Variants in HERC2 observed in about 807,000 individuals in gnomAD.
The protein encoded by HERC2 is HECT and RLD domain containing E3 ubiquitin protein ligase 2.
In HERC2, 102 loss-of-function variants were observed where a neutral mutation model predicts 537.7. The ratio of observed to expected loss-of-function variants is 0.19; its 90% CI spans 0.16 to 0.22. HERC2 has a LOEUF of 0.22. Ranked by LOEUF, HERC2 falls within the 10% of genes least tolerant of loss-of-function variation. The pLI is 1.00. For synonymous variants in HERC2, 2,224 were observed against 2,466.2 expected (o/e 0.90, Z 2.91); for missense variants, 4,236 against 6,198.2 (o/e 0.68, Z 10.63).
intron 12 of HERC2, among the ~76,000 whole-genome samples, chr15:28,266,855 C>T (rs750783080): frequency 6.6e-6 from 1 of 152,074 alleles, no homozygotes; most frequent in Non-Finnish European, 1.5e-5. Flanking sequence ...CAACTGCGTG[C>T]ACTTGTCAAA....
At chr15:28,318,161 A>C (rs2077139072) in intron 2 of HERC2, among the ~76,000 whole-genome samples, 1 of 152,188 alleles carries the variant, frequency 6.6e-6, no homozygotes, top group Non-Finnish European at 1.5e-5. Flanking sequence ...TCCTTTGCTT[A>C]ACTGACGTTT....
At chr15:28,295,559 C>T in intron 3 of HERC2, among the ~76,000 whole-genome samples, 1 of 152,064 alleles carries the variant, frequency 6.6e-6, no homozygotes, top group East Asian at 1.9e-4. Context: ...TCACCATGCC[C>T]AGCTAATTTT....
At chr15:28,140,799 G>A (rs1403598197) in intron 78 of HERC2, among the ~76,000 whole-genome samples, 45 of 151,690 alleles carry the variant, frequency 3.0e-4, no homozygotes, top group Non-Finnish European at 5.6e-4. Flanking sequence ...TGGGATTACA[G>A]GCATGAGCCA....
chr15:28,317,834 G>A (rs1332822683), intron 2 of HERC2, among the ~76,000 whole-genome samples: 3 of 152,168 alleles, frequency 2.0e-5, no homozygotes, highest in Non-Finnish European at 4.4e-5. Context: ...GTAACCACTG[G>A]GGCAGTATGC....
rs753866195 is a variant in HERC2, at chr15:28,168,409, C to T, written c.10411G>A (p.Glu3471Lys). Residue 3471 changes from glutamate to lysine, a missense_variant and splice_region_variant, in exon 67 of 93, where the codon GAG becomes AAG. Glu to Lys is a moderately conservative substitution (Grantham distance 56). Around this residue, in one of 27 missense-constraint regions of HERC2, gnomAD observed 356 missense variants for 450.9 expected, o/e 0.79. Coordinates refer to ENST00000261609, the MANE Select transcript of HERC2 (RefSeq NM_004667.6). ...CATTGCTTTAGATTCGCTTTTACCT[C>T]TCTCTTTTCTTGCCATGGATTTGGA... ...LSPNPWQEKR[E>K]IVSSEDAVTP... 6.2e-7 allele frequency: 1 copy of T among 1,613,452 alleles called. No individual in the cohort carries two copies. The highest frequency in any genetic ancestry group is 8.5e-7 in the Non-Finnish European group (1 of 1,179,738).
At position 28,278,715 on chromosome 15, in the gene HERC2, T is replaced by C. The variant is rs905000669; in HGVS notation, c.542+1353A>G. ...CTCTGGGGAGCAAGACGATCAGGGTTTTGCTCTTGTTTCTTTCTGCCTCCC... is the reference window on the plus strand; with the variant it reads ...CTCTGGGGAGCAAGACGATCAGGGTCTTGCTCTTGTTTCTTTCTGCCTCCC... On this transcript the variant is annotated intron_variant, in intron 5 of 92. Transcript: ENST00000261609. Among the ~76,000 whole-genome samples the C allele has an allele frequency of 2.0e-5, 3 of 152,294 alleles. No homozygotes were observed. The East Asian group carries it at 5.8e-4, about 29-fold the overall frequency.
chr15:28,301,387 C>A (rs1222481745), intron 2 of HERC2, among the ~76,000 whole-genome samples: 4 of 151,820 alleles, frequency 2.6e-5, no homozygotes, highest in Non-Finnish European at 4.4e-5. Context: ...TGCACTCCAG[C>A]CTGGGTGACA....
At chr15:28,136,555 C>A (rs1890662140) in intron 78 of HERC2, among the ~76,000 whole-genome samples, 1 of 152,242 alleles carries the variant, frequency 6.6e-6, no homozygotes, top group South Asian at 2.1e-4. Flanking sequence ...CAGAAAGCTG[C>A]CCTTCCCAGC....
intron 55 of HERC2, among the ~76,000 whole-genome samples, chr15:28,187,896 T>C (rs1417046699): frequency 6.6e-6 from 1 of 152,212 alleles, no homozygotes; most frequent in African/African-American, 2.4e-5. Flanking sequence ...GCTGTGGTAC[T>C]GACAACATTC....
intron 4 of HERC2, among the ~76,000 whole-genome samples, chr15:28,287,733 T>TG (rs2076196535): frequency 7.0e-6 from 1 of 143,798 alleles, no homozygotes; most frequent in African/African-American, 2.6e-5. Flanking sequence ...TTTTTTTTTT[T>TG]TTTTTGGTTT....
chr15:28,115,400 A>G, intron 89 of HERC2, 29 bp downstream of exon 89: 1 of 1,508,104 alleles, frequency 6.6e-7, no homozygotes. Flanking sequence ...AAGACCCTAG[A>G]GGCCCCGCCT....
In HERC2 at chr15:28,176,989, C is replaced by T; in HGVS notation, c.9393G>A (p.Leu3131=). ...GCTGTGTCGTATTATCCCCATGTCC[C>T]AGCCGGCCGTACTCGCCGAGGCCCC... ...YTWGLGEYGR[L]GHGDNTTQLK... is the part of the protein sequence containing the mutation. Residue 3131 remains leucine (L), a synonymous_variant, in exon 61 of 93, where the codon CTG becomes CTA. Coordinates refer to ENST00000261609, the MANE Select transcript of HERC2 (RefSeq NM_004667.6). The surrounding 1 kb of genome is among the most constrained non-coding windows in gnomAD (Gnocchi z 5.0). 6.2e-7 allele frequency: 1 copy of T among 1,614,050 alleles called. No individual in the cohort carries two copies. Among genetic ancestry groups the T allele is most frequent in the Non-Finnish European group, 8.5e-7 (1 of 1,179,948 alleles).
rs754896051 is a variant in HERC2 at position 28,254,463 on chromosome 15, G to A, written c.2927C>T (p.Ala976Val). Residue 976 changes from alanine (A) to valine (V), a missense_variant, in exon 20 of 93, where the codon GCG becomes GTG. This residue lies in a region of HERC2 where 754 missense variants were observed against 1,085.0 expected (regional missense o/e 0.69). Coordinates refer to ENST00000261609, the MANE Select transcript of HERC2 (RefSeq NM_004667.6). ...GCTTCTATGAAATGTTGAGGCATTC[G>A]CTTCCTGTTCATCAATTTCTTTTTC... Reference protein sequence around the residue: ...QKEKEIDEQEANASTFHRSRT... With the variant: ...QKEKEIDEQEVNASTFHRSRT... The A allele has an allele frequency of 3.6e-5, 58 of 1,603,488 alleles. No homozygotes were observed. In the South Asian group the frequency reaches 4.6e-4, roughly 13 times the overall value.
chr15:28,227,848 C>A (rs1479981549), intron 35 of HERC2, among the ~76,000 whole-genome samples: 3 of 152,044 alleles, frequency 2.0e-5, no homozygotes, highest in Non-Finnish European at 2.9e-5. Context: ...AATGAAATAA[C>A]CCAGACACAA....
At chr15:28,279,325 C>T (rs1366837719) in intron 5 of HERC2, among the ~76,000 whole-genome samples, 1 of 152,100 alleles carries the variant, frequency 6.6e-6, no homozygotes, top group East Asian at 1.9e-4. Context: ...ATAAGAAAAT[C>T]ACATTAGGAA....
chr15:28,176,375 C>G lies in HERC2; in HGVS notation c.9686+53G>C. 2 of 1,582,800 alleles carry G rather than the reference C, an allele frequency of 1.3e-6. No homozygotes were observed. The highest frequency in any genetic ancestry group is 1.7e-6 in the Non-Finnish European group (2 of 1,155,224). On this transcript the variant is annotated intron_variant, in intron 63 of 92. Transcript: ENST00000261609. The surrounding 1 kb of genome is among the most constrained non-coding windows in gnomAD (Gnocchi z 5.0). ...GAGCCTGGGGCGAGGCCCAGGTTCC[C>G]TGCACACACCTGCACAAGCACACAC...
chr15:28,217,129 T>C (rs1431346807), intron 38 of HERC2, among the ~76,000 whole-genome samples: 2 of 152,188 alleles, frequency 1.3e-5, no homozygotes, highest in Non-Finnish European at 2.9e-5. Context: ...CACCCACTCA[T>C]ACTTCCTCAC....
chr15:28,303,778 GTTTTATTCCTACGTAT>G (rs1435903080), intron 2 of HERC2, among the ~76,000 whole-genome samples: 1 of 152,256 alleles, frequency 6.6e-6, no homozygotes, highest in African/African-American at 2.4e-5. Flanking sequence ...TCTTGGGTTA[GTTTTATTCCTACGTAT>G]TTTACTTTAT....
chr15:28,265,013 T>C lies in HERC2; in HGVS notation c.1870+605A>G, dbSNP rs1236864792. ...AATTACCAATCTGCCATTCAACTTCTGCAGGAGAGAAAGCAAGCTGACAGG... is the reference window on the plus strand; with the variant it reads ...AATTACCAATCTGCCATTCAACTTCCGCAGGAGAGAAAGCAAGCTGACAGG... On this transcript the variant is annotated intron_variant, in intron 14 of 92. Transcript: ENST00000261609. The surrounding 1 kb of genome is among the most constrained non-coding windows in gnomAD (Gnocchi z 4.0). Among the ~76,000 whole-genome samples the C allele has an allele frequency of 6.6e-6, 1 of 152,142 alleles. No individual in the cohort carries two copies. The highest frequency in any genetic ancestry group is 1.5e-5 in the Non-Finnish European group (1 of 68,042).
Sources: allele counts gnomAD v4.1 joint callset (sites outside exome capture counted in the v4.1 genomes callset), GRCh38; gene constraint gnomAD v4.1.1; regional missense constraint gnomAD v4.1.1; non-coding constraint Gnocchi (gnomAD v3.1); transcripts MANE v1.5; gene names NCBI Gene and HGNC (gene_info 2026-07-23, HGNC 2026-07-21).